The following ABCA6 variants were observed in gnomAD, a reference collection of about 807,000 sequenced individuals.
ABCA6 encodes the protein ATP binding cassette subfamily A member 6, also known as ATP-binding cassette sub-family A member 6.
In ABCA6, 164 loss-of-function variants were observed where a neutral mutation model predicts 191.2. The observed-to-expected ratio is 0.86, with a 90% CI of 0.76 to 0.98. The LOEUF is 0.98. Among genes scored for constraint, ABCA6 ranks in the 50% least tolerant of loss-of-function variants. The pLI is 0.00. For synonymous variants in ABCA6, 636 were observed against 647.7 expected, an observed-to-expected ratio of 0.98 and a Z score of 0.27; for missense variants, 1,958 against 1,894.1, an observed-to-expected ratio of 1.03 and a Z score of -0.63.
intron 36 of ABCA6, among the ~76,000 whole-genome samples, 189 bp from the exon 37 acceptor site, chr17:69,081,334 C>T (rs1158744503): frequency 6.6e-6 from 1 of 152,182 alleles, no homozygotes; most frequent in East Asian, 1.9e-4. Context: ...GCAGACAGCT[C>T]TCCTGGTAAT....
chr17:69,089,467 T>C lies in ABCA6; in HGVS notation c.3604A>G (p.Ile1202Val), dbSNP rs370787361. 1 of 1,613,684 alleles carries C rather than the reference T, an allele frequency of 6.2e-7. No homozygotes were observed. Among genetic ancestry groups the C allele is most frequent in the African/African-American group, 1.3e-5 (1 of 75,032 alleles). ...LSATDFLVCF[I>V]PYFQTLLFVF... ...CTGAGGTGGAAAGCCCTTCTTACTA[T>C]GAAGCAGACTAGAAAATCAGTGGCA... The change falls in exon 27 of 39, where the codon ATA (isoleucine) becomes GTA (valine). Residue 1202 changes from isoleucine (I) to valine (V), a missense_variant and splice_region_variant. Physicochemically the swap from Ile to Val is conservative, Grantham distance 29. Coordinates refer to ENST00000284425, the MANE Select transcript of ABCA6 (RefSeq NM_080284.3).
chr17:69,095,540 A>G (rs1568004620), intron 25 of ABCA6: 1 of 152,222 alleles, frequency 6.6e-6, no homozygotes, highest in African/African-American at 2.4e-5. Flanking sequence ...CGGTTTTGAC[A>G]TTACTTTAAA....
intron 1 of ABCA6, among the ~76,000 whole-genome samples, chr17:69,141,368 T>G (rs2074022212): frequency 6.6e-6 from 1 of 152,042 alleles, no homozygotes; most frequent in Non-Finnish European, 1.5e-5. Context: ...CCTGAATAAC[T>G]AATGAAACTA....
intron 37 of ABCA6, among the ~76,000 whole-genome samples, chr17:69,079,754 GA>G: frequency 6.6e-6 from 1 of 152,284 alleles, no homozygotes; most frequent in Admixed American, 6.5e-5. Flanking sequence ...TGCTACATGT[GA>G]GGCACTCTTA....
intron 14 of ABCA6, 33 bp from the exon 15 acceptor site, chr17:69,113,393 CTCTT>C (rs1402669585): frequency 6.4e-7 from 1 of 1,569,576 alleles, no homozygotes; most frequent in Non-Finnish European, 8.6e-7. Flanking sequence ...AAATATGTCT[CTCTT>C]TCACATTAAC....
rs973463092 is a variant in ABCA6, at chr17:69,105,395, C to A, written c.2740+67G>T. On this transcript the variant is annotated intron_variant, in intron 20 of 38. Transcript: ENST00000284425. The stretch of plus-strand genomic sequence containing the variant: ...TCTCTTATGATTCACTTCCCCCCCC[C>A]ACCTCCTGTGCTATTCAACAATAAA... 69 of 1,420,570 alleles carry A rather than the reference C, an allele frequency of 4.9e-5. No individual in the cohort carries two copies. In the East Asian group the frequency reaches 9.0e-4, roughly 19 times the overall value. The allele number at this position is 1,420,570 out of a possible 1,614,324, so 88.0% of individuals were successfully genotyped here.
At chr17:69,095,888 A>G (rs2073034804) in intron 25 of ABCA6, among the ~76,000 whole-genome samples, 2 of 152,184 alleles carry the variant, frequency 1.3e-5, no homozygotes. Flanking sequence ...AGCTAAGGTT[A>G]AGAGAGACCT....
At chr17:69,084,648 G>T (rs2072730732) in intron 32 of ABCA6, 141 bp from the exon 33 acceptor site, 3 of 757,114 alleles carry the variant, frequency 4.0e-6, no homozygotes, top group South Asian at 2.3e-5. Context: ...AAAGAGATTG[G>T]TTTATTTTGG....
intron 11 of ABCA6, 111 bp downstream of exon 11, chr17:69,117,785 TTC>T (rs1198801206): frequency 2.8e-6 from 2 of 710,648 alleles, no homozygotes; most frequent in Non-Finnish European, 4.7e-6. Flanking sequence ...GTTATTTATA[TTC>T]TTTTTTCTTT....
chr17:69,115,697 G>A (rs1229074495), intron 11 of ABCA6: 5 of 363,324 alleles, frequency 1.4e-5, no homozygotes, highest in African/African-American at 1.0e-4. Flanking sequence ...TGTTACTGGT[G>A]CAGGATATAG....
chr17:69,089,909 G>T (rs2072888265), intron 26 of ABCA6, among the ~76,000 whole-genome samples: 1 of 152,132 alleles, frequency 6.6e-6, no homozygotes. Flanking sequence ...TCTGGGGGTT[G>T]ACAATATTTT....
chr17:69,091,305 C>A, intron 25 of ABCA6, 43 bp from the exon 26 acceptor site: 1 of 1,594,454 alleles, frequency 6.3e-7, no homozygotes, highest in Non-Finnish European at 8.5e-7. Context: ...CATACTCAAC[C>A]CATTGATATT....
intron 8 of ABCA6, among the ~76,000 whole-genome samples, chr17:69,126,922 G>A (rs1373830700): frequency 6.6e-6 from 1 of 152,100 alleles, no homozygotes; most frequent in Non-Finnish European, 1.5e-5. Flanking sequence ...AACTGTTACT[G>A]CCAGATATCA....
chr17:69,111,165 A>G (rs1251864988), intron 16 of ABCA6: 3 of 371,360 alleles, frequency 8.1e-6, no homozygotes, highest in African/African-American at 6.2e-5. Context: ...ACAAACAAAT[A>G]TATAATGTAA....
At position 69,137,447 on chromosome 17, in the gene ABCA6, G is replaced by A. The variant is rs370578648; in HGVS notation, c.150C>T (p.Ser50=). 5 of 1,613,560 alleles carry A rather than the reference G, an allele frequency of 3.1e-6. 1 individual carries two copies. The highest frequency in any genetic ancestry group is 4.2e-6 in the Non-Finnish European group (5 of 1,179,774). ...LGLCIALFSS[S]MRNVQFPGMA... is the part of the protein sequence containing the mutation. ...TTCCAGGAAACTGGACATTTCTCAT[G>A]GAACTGGAAAACAGAGCAATACACA... The change falls in exon 3 of 39, where the codon TCC becomes TCT. Residue 50 remains serine, a synonymous_variant. Transcript: ENST00000284425.
chr17:69,093,039 A>AC (rs1254702594), intron 25 of ABCA6, among the ~76,000 whole-genome samples: 5 of 152,198 alleles, frequency 3.3e-5, no homozygotes, highest in Non-Finnish European at 7.3e-5. Flanking sequence ...ACAAGTTCTG[A>AC]ATCAGTATTG....
Position 69,085,168 on chromosome 17 carries a change from G to A in ABCA6, c.4044C>T (p.Gly1348=). 1.2e-6 allele frequency: 2 copies of A among 1,609,370 alleles called. No individual in the cohort carries two copies. The highest frequency in any genetic ancestry group is 1.7e-6 in the Non-Finnish European group (2 of 1,178,164). ...CCAGGTGGCCCAAAACTGAACTGCAGCCTTTCAGTTCCACCTAAAAAAATA... is the reference window on the plus strand; with the variant it reads ...CCAGGTGGCCCAAAACTGAACTGCAACCTTTCAGTTCCACCTAAAAAAATA... ...KPTAGEVELK[G]CSSVLGHLGY... Residue 1348 remains glycine (G), a synonymous_variant, in exon 32 of 39, where the codon GGC becomes GGT. Transcript: ENST00000284425.
intron 20 of ABCA6, 98 bp downstream of exon 20, chr17:69,105,364 T>G: frequency 8.3e-7 from 1 of 1,208,306 alleles, no homozygotes; most frequent in Non-Finnish European, 1.2e-6. Context: ...TAAATACCCA[T>G]TTTCTTCTCT....
At chr17:69,140,836 T>TA in intron 1 of ABCA6, 88 bp from the exon 2 acceptor site, 1 of 445,226 alleles carries the variant, frequency 2.2e-6, no homozygotes, top group Non-Finnish European at 3.9e-6. Flanking sequence ...AACATGAATT[T>TA]AAAATATTAT....
Sources: allele counts gnomAD v4.1 joint callset (sites outside exome capture counted in the v4.1 genomes callset), GRCh38; gene constraint gnomAD v4.1.1; transcripts MANE v1.5; gene names NCBI Gene and HGNC (gene_info 2026-07-23, HGNC 2026-07-21).